ADARB2: variants seen among roughly 807,000 people sequenced by gnomAD.
ADARB2 encodes the protein adenosine deaminase RNA specific B2 (inactive), also known as inactive double-stranded RNA-specific editase B2.
Under a neutral mutation model 62.2 loss-of-function variants are expected in ADARB2, and 25 were observed. That is an observed-to-expected ratio of 0.40 (90% confidence interval 0.29 to 0.56). The LOEUF is 0.56. ADARB2 is among the 20% of genes least tolerant of loss of function. ADARB2 has a pLI of 0.43. For synonymous variants in ADARB2, 572 were observed against 500.8 expected, an observed-to-expected ratio of 1.14 and a Z score of -1.90; for missense variants, 1,071 against 1,077.4, an observed-to-expected ratio of 0.99 and a Z score of 0.08.
intron 1 of ADARB2, among the ~76,000 whole-genome samples, chr10:1,726,569 C>A (rs1377196349): frequency 6.6e-6 from 1 of 152,122 alleles, no homozygotes; most frequent in Non-Finnish European, 1.5e-5. Context: ...GACCTCCAGG[C>A]AAAGAGATGC....
At chr10:1,708,187 C>T (rs188185671) in intron 1 of ADARB2, among the ~76,000 whole-genome samples, 233 of 152,200 alleles carry the variant, frequency 1.5e-3, no homozygotes, top group African/African-American at 4.9e-3. Flanking sequence ...TAGTTTAACT[C>T]GTATCTTTTG....
At chr10:1,459,489 G>T (rs537562433) in intron 1 of ADARB2, among the ~76,000 whole-genome samples, 53 of 151,170 alleles carry the variant, frequency 3.5e-4, no homozygotes, top group African/African-American at 1.2e-3. Flanking sequence ...AGGGCCAGGC[G>T]CAGTGGCTTG....
At chr10:1,347,468 G>T (rs1420312548) in intron 3 of ADARB2, among the ~76,000 whole-genome samples, 1 of 152,190 alleles carries the variant, frequency 6.6e-6, no homozygotes, top group Non-Finnish European at 1.5e-5. Context: ...AAGGGCTTAG[G>T]TCCCACAGCT....
rs1206928130 is a variant in ADARB2, at chr10:1,737,221, C to A, written c.-71G>T. On this transcript the variant is annotated 5_prime_UTR_variant, in exon 1 of 10. Transcript: ENST00000381312. ...CTGCACCTGCCTCCTTCCCGGCAGCCGCCGCCGCCGCTGCTGCGAAGCTTG... is the reference window on the plus strand; with the variant it reads ...CTGCACCTGCCTCCTTCCCGGCAGCAGCCGCCGCCGCTGCTGCGAAGCTTG... 2.7e-6 allele frequency: 4 copies of A among 1,458,404 alleles called. No homozygotes were observed. Among genetic ancestry groups the A allele is most frequent in the East Asian group, 2.3e-5 (1 of 43,796 alleles). 90.3% of individuals were successfully genotyped at this position (1,458,404 alleles called of 1,614,324 possible). A position where few individuals can be genotyped will look rare whatever the true frequency, so the allele number is the denominator to read the frequency against.
At chr10:1,340,156 A>G (rs1213217045) in intron 3 of ADARB2, among the ~76,000 whole-genome samples, 1 of 148,976 alleles carries the variant, frequency 6.7e-6, no homozygotes, top group African/African-American at 2.5e-5. Context: ...ACCAGCATCC[A>G]CCAGAGAACC....
chr10:1,649,040 A>G (rs143241126), intron 1 of ADARB2, among the ~76,000 whole-genome samples: 7 of 152,308 alleles, frequency 4.6e-5, no homozygotes, highest in African/African-American at 1.4e-4. Flanking sequence ...TGGTATAGAA[A>G]TCTTGAAAAA....
At chr10:1,553,370 A>G (rs1832655793) in intron 1 of ADARB2, among the ~76,000 whole-genome samples, 1 of 152,176 alleles carries the variant, frequency 6.6e-6, no homozygotes, top group African/African-American at 2.4e-5. Flanking sequence ...GGGAACTGGC[A>G]TGGACGAGGC....
chr10:1,715,080 A>C (rs1835001722), intron 1 of ADARB2, among the ~76,000 whole-genome samples: 1 of 139,228 alleles, frequency 7.2e-6, no homozygotes, highest in Non-Finnish European at 1.5e-5. Context: ...CCAATTAGTG[A>C]TATCTGCTCT....
chr10:1,617,671 G>T (rs1282904443), intron 1 of ADARB2, among the ~76,000 whole-genome samples: 1 of 150,676 alleles, frequency 6.6e-6, no homozygotes, highest in Admixed American at 6.6e-5. Flanking sequence ...TGCCCGTCCA[G>T]ACACACTCCA....
intron 3 of ADARB2, among the ~76,000 whole-genome samples, chr10:1,350,094 A>G (rs567329948): frequency 6.6e-6 from 1 of 152,306 alleles, no homozygotes; most frequent in South Asian, 2.1e-4. Context: ...TTTCTTCTGC[A>G]ACACCACTTG....
At chr10:1,262,702 C>T (rs921389352) in intron 4 of ADARB2, among the ~76,000 whole-genome samples, 3 of 152,110 alleles carry the variant, frequency 2.0e-5, no homozygotes, top group African/African-American at 7.2e-5. Context: ...ACTAGTTCAA[C>T]CATTGTGGAA....
At chr10:1,701,663 G>A (rs372751826) in intron 1 of ADARB2, among the ~76,000 whole-genome samples, 13 of 9,858 alleles carry the variant, frequency 1.3e-3, no homozygotes, top group Admixed American at 3.2e-3. Flanking sequence ...CCACTCCACC[G>A]GGAGACCAGG....
intron 1 of ADARB2, among the ~76,000 whole-genome samples, chr10:1,474,032 T>C (rs958012893): frequency 4.4e-4 from 67 of 152,400 alleles, no homozygotes; most frequent in Non-Finnish European, 8.5e-4. Flanking sequence ...GCTGGGTAGT[T>C]TCTAGTGCAG....
intron 1 of ADARB2, among the ~76,000 whole-genome samples, chr10:1,661,682 C>G (rs923542602): frequency 5.3e-5 from 8 of 152,144 alleles, no homozygotes; most frequent in African/African-American, 1.9e-4. Context: ...CGGCATTCAC[C>G]GAGCAGACAG....
chr10:1,718,847 G>C (rs928249770), intron 1 of ADARB2, among the ~76,000 whole-genome samples: 1 of 152,194 alleles, frequency 6.6e-6, no homozygotes, highest in African/African-American at 2.4e-5. Context: ...CAAGATGAGA[G>C]ACTTTGCCTT....
chr10:1,620,753 G>C (rs567521420), intron 1 of ADARB2, among the ~76,000 whole-genome samples: 1 of 152,314 alleles, frequency 6.6e-6, no homozygotes, highest in South Asian at 2.1e-4. Flanking sequence ...CATATGAAAA[G>C]GGTGTATGTA....
At chr10:1,223,517 G>A (rs552739628) in intron 6 of ADARB2, among the ~76,000 whole-genome samples, 56 of 152,300 alleles carry the variant, frequency 3.7e-4, no homozygotes, top group African/African-American at 1.3e-3. Flanking sequence ...CAAAGGGAAT[G>A]CTTCCAGTTT....
At chr10:1,261,374 A>C (rs1221869080) in intron 4 of ADARB2, among the ~76,000 whole-genome samples, 1 of 145,756 alleles carries the variant, frequency 6.9e-6, no homozygotes, top group Non-Finnish European at 1.5e-5. Flanking sequence ...GCAACCTACA[A>C]AATGGGAGAA....
intron 1 of ADARB2, among the ~76,000 whole-genome samples, chr10:1,513,601 C>T (rs1364188582): frequency 3.9e-5 from 6 of 152,282 alleles, no homozygotes; most frequent in South Asian, 2.1e-4. Flanking sequence ...TCCAGACACA[C>T]GGCAGTGCTG....
Sources: allele counts gnomAD v4.1 joint callset (sites outside exome capture counted in the v4.1 genomes callset), GRCh38; gene constraint gnomAD v4.1.1; transcripts MANE v1.5; gene names NCBI Gene and HGNC (gene_info 2026-07-23, HGNC 2026-07-21).